Variants in CDH9 observed in about 807,000 individuals in gnomAD.
CDH9 encodes cadherin 9.
CDH9 carries 28 observed loss-of-function variants against 70.9 expected under a neutral mutation model. That is an observed-to-expected ratio of 0.40 (90% CI 0.29 to 0.54). The LOEUF is 0.54. Among genes scored for constraint, CDH9 ranks in the 20% least tolerant of loss-of-function variants. CDH9 has a pLI of 0.59. For missense variants in CDH9, 874 were observed against 984.4 expected (o/e 0.89, Z 1.50); for synonymous variants, 409 against 343.1 (o/e 1.19, Z -2.12).
At chr5:26,981,743 G>A (rs1742403350) in intron 2 of CDH9, among the ~76,000 whole-genome samples, 1 of 151,794 alleles carries the variant, frequency 6.6e-6, no homozygotes, top group Non-Finnish European at 1.5e-5. Context: ...CATTGACAGA[G>A]AAAAGCAAGA....
rs1741791648 is a variant in CDH9 at position 26,948,502 on chromosome 5, T to A, written c.229-32578A>T. 2.0e-5 allele frequency among the ~76,000 whole-genome samples: 3 copies of A among 152,164 alleles called. No homozygotes were observed. In the South Asian group the frequency reaches 6.2e-4, roughly 31 times the overall value. ...CAGCCTCTACTGCTAACTCTATGGG[T>A]TACGAATATGCAACATGTGGCACTA... On this transcript the variant is annotated intron_variant, in intron 2 of 11. Transcript: ENST00000231021.
At chr5:27,022,369 GTCT>G (rs1333602497) in intron 1 of CDH9, among the ~76,000 whole-genome samples, 1 of 151,884 alleles carries the variant, frequency 6.6e-6, no homozygotes, top group Non-Finnish European at 1.5e-5. Context: ...TGTATACGTT[GTCT>G]TCTTCAAAGG....
chr5:26,892,434 T>C (rs1740676129), intron 7 of CDH9, among the ~76,000 whole-genome samples: 1 of 152,212 alleles, frequency 6.6e-6, no homozygotes, highest in South Asian at 2.1e-4. Context: ...GGCTAGGTTT[T>C]ATATAGCAGT....
intron 6 of CDH9, chr5:26,903,366 T>C (rs1740888692): frequency 1.9e-6 from 1 of 535,304 alleles, no homozygotes; most frequent in East Asian, 3.8e-5. Flanking sequence ...TATTTTCCTC[T>C]ATGGAGAAAT....
At chr5:26,971,042 C>G (rs1318202941) in intron 2 of CDH9, among the ~76,000 whole-genome samples, 2 of 152,084 alleles carry the variant, frequency 1.3e-5, no homozygotes, top group Non-Finnish European at 2.9e-5. Flanking sequence ...TCAAAATTCC[C>G]ACATTTCAGC....
chr5:27,016,800 A>G (rs1248575512), intron 1 of CDH9, among the ~76,000 whole-genome samples: 1 of 151,874 alleles, frequency 6.6e-6, no homozygotes, highest in Non-Finnish European at 1.5e-5. Flanking sequence ...AAGCACAGAG[A>G]AAGTTTAAAA....
Position 26,990,808 on chromosome 5 carries a change from T to G in CDH9, c.-49-2426A>C, listed in dbSNP as rs992880065. ...GGTTTCTTCCCACTGGTAGAATTTGTTTTGATCATTGACCTTGCTTATAAC... is the reference window on the plus strand; with the variant it reads ...GGTTTCTTCCCACTGGTAGAATTTGGTTTGATCATTGACCTTGCTTATAAC... On this transcript the variant is annotated intron_variant, in intron 1 of 11. Coordinates refer to ENST00000231021, the MANE Select transcript of CDH9 (RefSeq NM_016279.4). 3.3e-5 allele frequency among the ~76,000 whole-genome samples: 5 copies of G among 152,200 alleles called. No homozygotes were observed. In the East Asian group the frequency reaches 9.6e-4, roughly 29 times the overall value.
At chr5:27,023,574 G>A (rs1346297756) in intron 1 of CDH9, among the ~76,000 whole-genome samples, 1 of 151,858 alleles carries the variant, frequency 6.6e-6, no homozygotes, top group Admixed American at 6.6e-5. Context: ...TTGCTGCAGG[G>A]TCACTTTTTA....
intron 2 of CDH9, among the ~76,000 whole-genome samples, chr5:26,978,926 G>A (rs1593972): frequency 0.47 from 71,774 of 151,402 alleles, 17,815 homozygotes; most frequent in African/African-American, 0.52. Flanking sequence ...AAATGAAAAT[G>A]AAATAAAGAT....
At position 26,915,704 on chromosome 5, in the gene CDH9, T is replaced by C; in HGVS notation, c.449A>G (p.His150Arg). 1 of 1,611,250 alleles carries C rather than the reference T, an allele frequency of 6.2e-7. No homozygotes were observed. Among genetic ancestry groups the C allele is most frequent in the Non-Finnish European group, 8.5e-7 (1 of 1,177,402 alleles). The change falls in exon 3 of 12, where the codon CAT becomes CGT. Residue 150 changes from histidine to arginine, a missense_variant. Transcript: ENST00000231021. ...TTTTGGCTCATTGTCATTGATATCA[T>C]GTATTTTAATGATAAATTCCGATTC... ...EPESEFIIKI[H>R]DINDNEPKFT...
chr5:26,929,160 C>T (rs1741397084), intron 2 of CDH9, among the ~76,000 whole-genome samples: 1 of 151,774 alleles, frequency 6.6e-6, no homozygotes, highest in Non-Finnish European at 1.5e-5. Flanking sequence ...TCTAAGTATT[C>T]GATTTAAAAA....
chr5:27,005,716 G>C (rs1189483543), intron 1 of CDH9, among the ~76,000 whole-genome samples: 1 of 152,080 alleles, frequency 6.6e-6, no homozygotes, highest in Non-Finnish European at 1.5e-5. Flanking sequence ...ACATGTATGT[G>C]TATGTTCATT....
chr5:26,988,500 A>G (rs1228659119), intron 1 of CDH9, 118 bp from the exon 2 acceptor site: 14 of 803,062 alleles, frequency 1.7e-5, no homozygotes, highest in Non-Finnish European at 2.4e-5. Flanking sequence ...CTATATATAC[A>G]TTATATTTCT....
chr5:26,925,644 T>C (rs1374960729), intron 2 of CDH9, among the ~76,000 whole-genome samples: 1 of 152,166 alleles, frequency 6.6e-6, no homozygotes, highest in Non-Finnish European at 1.5e-5. Flanking sequence ...TCCTAAATGG[T>C]ATTGCCTAGG....
chr5:27,035,972 C>T (rs1743386628), intron 1 of CDH9, among the ~76,000 whole-genome samples: 1 of 151,788 alleles, frequency 6.6e-6, no homozygotes, highest in Non-Finnish European at 1.5e-5. Context: ...ATTCATGACA[C>T]ATTCACACAT....
At position 26,960,538 on chromosome 5, in the gene CDH9, A is replaced by T. The variant is rs191447829; in HGVS notation, c.228+27568T>A. On this transcript the variant is annotated intron_variant, in intron 2 of 11. Coordinates refer to ENST00000231021, the MANE Select transcript of CDH9 (RefSeq NM_016279.4). Reference sequence around the variant, plus strand: ...ATTAGAAAACAAACAAAAAAGTAACATGATTTTAGATTAAAGAAGAAAATT... The same window carrying T: ...ATTAGAAAACAAACAAAAAAGTAACTTGATTTTAGATTAAAGAAGAAAATT... Among the ~76,000 whole-genome samples, 341 of 152,150 alleles carry T rather than the reference A, an allele frequency of 2.2e-3. 1 individual carries two copies. The highest frequency in any genetic ancestry group is 4.0e-3 in the Non-Finnish European group (274 of 67,902).
intron 11 of CDH9, among the ~76,000 whole-genome samples, chr5:26,885,193 T>C (rs146399991): frequency 6.6e-5 from 10 of 152,278 alleles, no homozygotes; most frequent in African/African-American, 2.4e-4. Flanking sequence ...GGTAGAGTAA[T>C]CTGTGTTTGA....
At chr5:26,987,308 T>C (rs765503191) in intron 2 of CDH9, among the ~76,000 whole-genome samples, 4 of 151,910 alleles carry the variant, frequency 2.6e-5, no homozygotes, top group Admixed American at 6.6e-5. Context: ...TGGGTGTAAA[T>C]TGGGAACAAT....
chr5:26,987,733 T>C (rs1742511881), intron 2 of CDH9, among the ~76,000 whole-genome samples: 1 of 152,052 alleles, frequency 6.6e-6, no homozygotes, highest in Non-Finnish European at 1.5e-5. Flanking sequence ...TATTAAGAAA[T>C]AGAAATATCT....
Sources: allele counts gnomAD v4.1 joint callset (sites outside exome capture counted in the v4.1 genomes callset), GRCh38; gene constraint gnomAD v4.1.1; transcripts MANE v1.5; gene names NCBI Gene and HGNC (gene_info 2026-07-23, HGNC 2026-07-21).